Variants in HTN1 observed in about 807,000 individuals in gnomAD.
HTN1 encodes the protein histatin-1.
HTN1 carries 18 observed loss-of-function variants against 11.2 expected under a neutral mutation model. The observed-to-expected ratio is 1.61, with a 90% CI of 1.12 to 2.39. HTN1 has a LOEUF of 2.39. Ranked by LOEUF, HTN1 falls within the 30% of genes most tolerant of loss-of-function variation. The probability of loss-of-function intolerance (pLI) is 0.00; values close to 1 mark genes in which losing one functional copy is unlikely to be tolerated. For synonymous variants in HTN1, 21 were observed against 20.5 expected (o/e 1.02, Z -0.07); for missense variants, 80 against 67.2 (o/e 1.19, Z -0.67).
In HTN1 at chr4:70,058,679, A is replaced by G. The variant is rs775015979; in HGVS notation, c.*133A>G. 3.3e-5 allele frequency: 5 copies of G among 152,192 alleles called. No homozygotes were observed. Among genetic ancestry groups the G allele is most frequent in the Non-Finnish European group, 7.4e-5 (5 of 68,014 alleles). The allele number at this position is 152,192 out of a possible 1,614,324, so 9.4% of individuals were successfully genotyped here. A position where few individuals can be genotyped will look rare whatever the true frequency, so the allele number is the denominator to read the frequency against. ...AAGAATTATCATAAGGCAATGGAGA[A>G]TAAAAGAAAGACCATGATTTAGTGA... On this transcript the variant is annotated 3_prime_UTR_variant, in exon 6 of 6. Transcript: ENST00000246896.
chr4:70,055,416 T>A lies in HTN1; in HGVS notation c.103-82T>A. ...TCTTAACAACTTTAGCAATCTAAGCTTTTAATGACAGTTTTTGAGAAACAC... is the reference window on the plus strand; with the variant it reads ...TCTTAACAACTTTAGCAATCTAAGCATTTAATGACAGTTTTTGAGAAACAC... On this transcript the variant is annotated intron_variant, in intron 4 of 5. Coordinates refer to ENST00000246896, the MANE Select transcript of HTN1 (RefSeq NM_002159.4). 3.0e-6 allele frequency: 3 copies of A among 992,664 alleles called. No homozygotes were observed. The South Asian group carries it at 4.0e-5, about 13-fold the overall frequency. The allele number at this position is 992,664 out of a possible 1,614,324, so 61.5% of individuals were successfully genotyped here.
In HTN1 at chr4:70,054,457, GTTC is replaced by G. The variant is rs754900830; in HGVS notation, c.102+12_102+14del. The G allele has an allele frequency of 8.1e-6, 12 of 1,480,094 alleles. No homozygotes were observed. Among genetic ancestry groups the G allele is most frequent in the African/African-American group, 4.2e-5 (3 of 71,668 alleles). 91.7% of individuals were successfully genotyped at this position (1,480,094 alleles called of 1,614,324 possible). On this transcript the variant is annotated splice_region_variant and intron_variant, in intron 4 of 5. Transcript: ENST00000246896. The stretch of plus-strand genomic sequence containing the variant: ...GTATAGAAGAAAATTCCATGTAAGT[GTTC>G]TTCTGATAATGTGCACTCTAAATAA...
intron 1 of HTN1, among the ~76,000 whole-genome samples, chr4:70,051,213 T>C (rs533470005): frequency 6.6e-6 from 1 of 152,174 alleles, no homozygotes; most frequent in Non-Finnish European, 1.5e-5. Flanking sequence ...GGTTTATTTT[T>C]AAAAATTTAC....
chr4:70,052,684 C>T (rs559072820), intron 1 of HTN1, among the ~76,000 whole-genome samples: 10 of 151,988 alleles, frequency 6.6e-5, no homozygotes, highest in Admixed American at 5.9e-4. Context: ...ATGCCTGGGG[C>T]TCACACCTGT....
intron 5 of HTN1, 102 bp downstream of exon 5, chr4:70,055,704 T>A: frequency 1.6e-6 from 1 of 616,884 alleles, no homozygotes; most frequent in African/African-American, 1.9e-5. Flanking sequence ...AAATGTAGCA[T>A]GGGTTAGCTC....
chr4:70,054,937 C>T (rs550732170), intron 4 of HTN1, among the ~76,000 whole-genome samples: 3 of 151,814 alleles, frequency 2.0e-5, no homozygotes, highest in Non-Finnish European at 2.9e-5. Flanking sequence ...TTATTTTGAC[C>T]TGTAATATCA....
At chr4:70,051,864 G>GA (rs1725901935) in intron 1 of HTN1, among the ~76,000 whole-genome samples, 1 of 151,878 alleles carries the variant, frequency 6.6e-6, no homozygotes, top group Non-Finnish European at 1.5e-5. Flanking sequence ...AGAGAGATTA[G>GA]AAAAAAATTT....
intron 1 of HTN1, among the ~76,000 whole-genome samples, chr4:70,051,051 G>T (rs561726757): frequency 6.6e-6 from 1 of 152,112 alleles, no homozygotes; most frequent in East Asian, 1.9e-4. Context: ...CCTCTCTGAT[G>T]GTGGGACCTC....
At position 70,055,497 on chromosome 4, in the gene HTN1, G is replaced by A. The variant is rs1412771543; in HGVS notation, c.103-1G>A. On this transcript the variant is annotated splice_acceptor_variant, in intron 4 of 5. Transcript: ENST00000246896. LOFTEE classifies it high-confidence loss of function. ...TGCTCTCTCCTTTTGTGTGTATGCA[G>A]GAAAAGCATCATTCACATCGAGAAT... is the stretch of plus-strand genomic sequence containing the variant. The A allele has an allele frequency of 6.3e-7, 1 of 1,588,242 alleles. No individual in the cohort carries two copies. The highest frequency in any genetic ancestry group is 2.2e-5 in the East Asian group (1 of 44,574).
chr4:70,053,156 A>G (rs1333845100), intron 2 of HTN1, 29 bp downstream of exon 2: 19 of 1,418,116 alleles, frequency 1.3e-5, no homozygotes, highest in Non-Finnish European at 1.7e-5. Context: ...TTTAAATACT[A>G]CATTCTCAGT....
At position 70,052,895 on chromosome 4, in the gene HTN1, T is replaced by A. The variant is rs115255965; in HGVS notation, c.-13-169T>A. 1,538 of 541,488 alleles carry A rather than the reference T, an allele frequency of 2.8e-3. 23 individuals are homozygous for A. The highest frequency in any genetic ancestry group is 0.026 in the African/African-American group (1,369 of 52,678). 33.5% of individuals were successfully genotyped at this position (541,488 alleles called of 1,614,324 possible). On this transcript the variant is annotated intron_variant, in intron 1 of 5. Coordinates refer to ENST00000246896, the MANE Select transcript of HTN1 (RefSeq NM_002159.4). ...GGGAGGCTAAGGTGGGAGGATGGCT[T>A]GAGACCAGATGGTCCAGGCTGCAGT...
chr4:70,050,468 A>G lies in HTN1; in HGVS notation c.-41A>G, dbSNP rs546059374. On this transcript the variant is annotated 5_prime_UTR_variant, in exon 1 of 6. Transcript: ENST00000246896. ...TTGAGACTTCACTTCAGCTTCACTG[A>G]CTTCTTGACTCTCCTCTTGAGTAAA... The G allele has an allele frequency of 3.9e-5, 6 of 152,262 alleles. No individual in the cohort carries two copies. In the South Asian group the frequency reaches 1.2e-3, roughly 32 times the overall value. 9.4% of individuals were successfully genotyped at this position (152,262 alleles called of 1,614,324 possible).
intron 5 of HTN1, chr4:70,056,140 C>G (rs539340175): frequency 6.6e-6 from 1 of 152,066 alleles, no homozygotes; most frequent in Non-Finnish European, 1.5e-5. Context: ...TTGTAGTTCT[C>G]CTTGAAGAGG....
intron 5 of HTN1, chr4:70,057,293 G>A (rs758232609): frequency 4.6e-5 from 7 of 152,006 alleles, no homozygotes; most frequent in African/African-American, 7.2e-5. Context: ...GGAACAGAAA[G>A]GAAACAGCAC....
At chr4:70,051,518 C>T (rs1725893396) in intron 1 of HTN1, among the ~76,000 whole-genome samples, 1 of 152,054 alleles carries the variant, frequency 6.6e-6, no homozygotes, top group Admixed American at 6.6e-5. Flanking sequence ...AGACCAATTT[C>T]TTAGAACCCT....
At chr4:70,055,786 T>C in intron 5 of HTN1, 184 bp downstream of exon 5, 2 of 466,724 alleles carry the variant, frequency 4.3e-6, no homozygotes, top group Non-Finnish European at 7.7e-6. Flanking sequence ...AGGTCTCTGT[T>C]CTGTGCCATT....
At chr4:70,054,476 C>G (rs763532064) in intron 4 of HTN1, 26 bp downstream of exon 4, 71 of 1,416,572 alleles carry the variant, frequency 5.0e-5, no homozygotes, top group Non-Finnish European at 6.9e-5. Flanking sequence ...ATAATGTGCA[C>G]TCTAAATAAA....
chr4:70,052,854 G>C (rs1235748383), intron 1 of HTN1: 1 of 431,890 alleles, frequency 2.3e-6, no homozygotes, highest in Non-Finnish European at 4.2e-6. Flanking sequence ...TGTAGTTCCA[G>C]CTACAAGTGG....
intron 5 of HTN1, 104 bp downstream of exon 5, chr4:70,055,706 G>T: frequency 1.6e-6 from 1 of 610,568 alleles, no homozygotes. Flanking sequence ...ATGTAGCATG[G>T]GTTAGCTCCT....
Sources: gnomAD v4.1 joint callset for allele counts (sites outside exome capture counted in the v4.1 genomes callset) on GRCh38, gnomAD v4.1.1 for gene constraint, MANE v1.5 for transcripts, NCBI Gene and HGNC (gene_info 2026-07-23, HGNC 2026-07-21) for gene names.